The following PCDHGA2 variants were observed in gnomAD, a reference collection of about 807,000 sequenced individuals.
PCDHGA2 encodes the protein protocadherin gamma subfamily A, 2.
PCDHGA2 carries 40 observed loss-of-function variants against 59.2 expected under a neutral mutation model. The ratio of observed to expected loss-of-function variants is 0.68; its 90% CI spans 0.52 to 0.88. The LOEUF is 0.88. Ranked by LOEUF, PCDHGA2 falls within the 40% of genes least tolerant of loss-of-function variation. The pLI is 0.00. For missense variants in PCDHGA2, 1,226 were observed against 1,204.0 expected, an observed-to-expected ratio of 1.02 and a Z score of -0.27; for synonymous variants, 560 against 526.0, an observed-to-expected ratio of 1.06 and a Z score of -0.89.
chr5:141,394,505 C>A (rs1366555133), intron 1 of PCDHGA2: 4 of 1,614,218 alleles, frequency 2.5e-6, no homozygotes, highest in Non-Finnish European at 3.4e-6. Context: ...AGATCCTGTA[C>A]CCCGCCCTCC....
chr5:141,366,518 A>G lies in PCDHGA2; in HGVS notation c.2424+25123A>G, dbSNP rs202129179. On this transcript the variant is annotated intron_variant, in intron 1 of 3. Coordinates refer to ENST00000394576, the MANE Select transcript of PCDHGA2 (RefSeq NM_018915.4). ...GTCACGCCTGCTTCAGGCTGAAGGC[A>G]GCAGGTTGGCGGGTGTGCCCGCCTC... 2.2e-4 allele frequency: 362 copies of G among 1,614,126 alleles called. 1 individual carries two copies. Among genetic ancestry groups the G allele is most frequent in the Non-Finnish European group, 2.9e-4 (339 of 1,180,048 alleles).
At chr5:141,374,459 A>T (rs764751595) in intron 1 of PCDHGA2, 1 of 1,613,448 alleles carries the variant, frequency 6.2e-7, no homozygotes, top group South Asian at 1.1e-5. Context: ...AATAGTGGAC[A>T]TTAATGACAA....
intron 1 of PCDHGA2, among the ~76,000 whole-genome samples, chr5:141,363,049 C>G (rs1004145167): frequency 2.6e-5 from 4 of 152,206 alleles, no homozygotes; most frequent in Admixed American, 1.3e-4. Flanking sequence ...AAGACCAACA[C>G]TCAGTAAGCT....
rs2097504446 is a variant in PCDHGA2, at chr5:141,432,472, T to C, written c.2425-62335T>C. The C allele has an allele frequency of 9.9e-6, 16 of 1,614,012 alleles. No homozygotes were observed. Among genetic ancestry groups the C allele is most frequent in the Non-Finnish European group, 1.4e-5 (16 of 1,180,036 alleles). ...TGTACCCCGCCCTCCCCACGGACGG[T>C]TCCACTGGCGTGGAGCTGGCTCCCC... On this transcript the variant is annotated intron_variant, in intron 1 of 3. Transcript: ENST00000394576. This position sits in a 1 kb window ranked among gnomAD's most constrained non-coding sequence, Gnocchi z 6.0.
At chr5:141,498,679 C>G (rs1454800332) in intron 2 of PCDHGA2, among the ~76,000 whole-genome samples, 1 of 152,170 alleles carries the variant, frequency 6.6e-6, no homozygotes, top group Admixed American at 6.5e-5. Flanking sequence ...CGCCTGTAAT[C>G]CCAGCACTTT....
At chr5:141,444,492 T>C (rs1052885639) in intron 1 of PCDHGA2, among the ~76,000 whole-genome samples, 1 of 152,122 alleles carries the variant, frequency 6.6e-6, no homozygotes, top group East Asian at 1.9e-4. Context: ...TTATATTGTG[T>C]AATACTTTGC....
rs202065305 is a variant in PCDHGA2 at position 141,410,175 on chromosome 5, C to A, written c.2424+68780C>A. 1.1e-5 allele frequency: 17 copies of A among 1,613,752 alleles called. No homozygotes were observed. In the African/African-American group the frequency reaches 2.1e-4, roughly 20 times the overall value. ...GGACAGCCGCCACTCTCTGCCACCG[C>A]CACGCTTCATCTGGTCTTCGCAGAC... On this transcript the variant is annotated intron_variant, in intron 1 of 3. Transcript: ENST00000394576.
intron 1 of PCDHGA2, chr5:141,364,981 C>T (rs756594174): frequency 4.3e-6 from 7 of 1,613,884 alleles, no homozygotes; most frequent in Non-Finnish European, 5.9e-6. Context: ...CTTTAGATGG[C>T]GGAGACCCGG....
At chr5:141,415,315 G>A (rs201784236) in intron 1 of PCDHGA2, 2 of 1,614,220 alleles carry the variant, frequency 1.2e-6, no homozygotes, top group Middle Eastern at 1.6e-4. Context: ...CTTCGTCATC[G>A]TGCTGCTGGC....
chr5:141,370,618 T>G, intron 1 of PCDHGA2: 1 of 1,613,964 alleles, frequency 6.2e-7, no homozygotes, highest in Non-Finnish European at 8.5e-7. Context: ...AAGAAATTCT[T>G]TACCGTGAGC....
chr5:141,345,528 G>T, intron 1 of PCDHGA2: 1 of 1,614,130 alleles, frequency 6.2e-7, no homozygotes, highest in Non-Finnish European at 8.5e-7. Flanking sequence ...TCTCCAGGGG[G>T]CGCCCCTGTC....
chr5:141,358,113 C>A (rs1434059744), intron 1 of PCDHGA2, among the ~76,000 whole-genome samples: 1 of 152,208 alleles, frequency 6.6e-6, no homozygotes, highest in African/African-American at 2.4e-5. Flanking sequence ...TTGCTTGAAC[C>A]TGGGAGGCAG....
chr5:141,477,804 A>G lies in PCDHGA2; in HGVS notation c.2425-17003A>G. The G allele has an allele frequency of 6.2e-7, 1 of 1,614,088 alleles. No individual in the cohort carries two copies. ...ATATTTGTCACTGATCGCAATGACA[A>G]TGCCCCCCAGGTCCTATATCCTCGG... On this transcript the variant is annotated intron_variant, in intron 1 of 3. Transcript: ENST00000394576. The surrounding 1 kb of genome is among the most constrained non-coding windows in gnomAD (Gnocchi z 4.9).
intron 2 of PCDHGA2, among the ~76,000 whole-genome samples, chr5:141,503,072 C>T (rs2099817948): frequency 6.6e-6 from 1 of 151,728 alleles, no homozygotes; most frequent in Non-Finnish European, 1.5e-5. Flanking sequence ...TCAGAATGGT[C>T]TCGATCTCCT....
chr5:141,376,309 C>G, intron 1 of PCDHGA2: 1 of 1,614,148 alleles, frequency 6.2e-7, no homozygotes, highest in Non-Finnish European at 8.5e-7. Flanking sequence ...ACTTTGTGGG[C>G]GTGGAAGGGG....
chr5:141,357,502 C>A (rs1760632616), intron 1 of PCDHGA2: 1 of 1,614,264 alleles, frequency 6.2e-7, no homozygotes, highest in African/African-American at 1.3e-5. Context: ...GAAGAGTCAC[C>A]TGATCTTCTC....
chr5:141,417,732 C>T (rs2096153715), intron 1 of PCDHGA2: 4 of 1,390,342 alleles, frequency 2.9e-6, no homozygotes, highest in Admixed American at 2.8e-5. Context: ...AGACCTTGCC[C>T]AGCACACCAG....
intron 1 of PCDHGA2, among the ~76,000 whole-genome samples, chr5:141,368,076 A>G (rs1765474511): frequency 6.6e-6 from 1 of 152,210 alleles, no homozygotes; most frequent in South Asian, 2.1e-4. Flanking sequence ...TCCCTTCTGC[A>G]TCTGATTTGC....
At chr5:141,449,212 GT>G (rs1405401595) in intron 1 of PCDHGA2, among the ~76,000 whole-genome samples, 1 of 152,134 alleles carries the variant, frequency 6.6e-6, no homozygotes, top group African/African-American at 2.4e-5. Context: ...CTAACTTTCT[GT>G]TTTGAAATGA....
Sources: allele counts gnomAD v4.1 joint callset (sites outside exome capture counted in the v4.1 genomes callset), GRCh38; gene constraint gnomAD v4.1.1; non-coding constraint Gnocchi (gnomAD v3.1); transcripts MANE v1.5; gene names NCBI Gene and HGNC (gene_info 2026-07-23, HGNC 2026-07-21).